The following SLC67A1 variants were observed in gnomAD, a reference collection of about 807,000 sequenced individuals.
SLC67A1 encodes solute carrier family 67 member 1.
the SLC67A1 span, chr11:2,908,434 C>G: frequency 1.3e-6 from 1 of 777,692 alleles, no homozygotes; most frequent in Non-Finnish European, 2.0e-6. Flanking sequence ...ACACCGGACC[C>G]CCCTGGGATG....
At chr11:2,918,088 C>T in the SLC67A1 span, 1 of 1,612,692 alleles carries the variant, frequency 6.2e-7, no homozygotes, top group South Asian at 1.1e-5. Flanking sequence ...CCTCCAACTG[C>T]CCCACAGGTG....
chr11:2,925,018 C>G, the SLC67A1 span: 1 of 1,610,648 alleles, frequency 6.2e-7, no homozygotes. This position sits in a 1 kb window ranked among gnomAD's most constrained non-coding sequence, Gnocchi z 6.5. Context: ...AGGGACCATG[C>G]TGGGCCTCTG....
chr11:2,902,486 C>CA, the SLC67A1 span: 5 of 695,908 alleles, frequency 7.2e-6, no homozygotes, highest in Non-Finnish European at 8.8e-6. Context: ...CCTGCTCCCC[C>CA]CAGCCTCCCT....
chr11:2,914,955 T>G, the SLC67A1 span: 2 of 985,262 alleles, frequency 2.0e-6, no homozygotes, highest in Admixed American at 1.2e-4. Context: ...TCCCCTTCCC[T>G]GGCATTTTCC....
the SLC67A1 span, among the ~76,000 whole-genome samples, chr11:2,917,419 C>T: frequency 6.6e-6 from 1 of 152,158 alleles, no homozygotes; most frequent in East Asian, 1.9e-4. Flanking sequence ...GGGCCTGTGG[C>T]GAGCACAGCA....
chr11:2,918,496 A>G, the SLC67A1 span, among the ~76,000 whole-genome samples: 1 of 152,204 alleles, frequency 6.6e-6, no homozygotes, highest in South Asian at 2.1e-4. Flanking sequence ...CGGACCACAG[A>G]TAGGATAGCG....
the SLC67A1 span, among the ~76,000 whole-genome samples, chr11:2,917,612 T>TGCCCCAG: frequency 2.0e-5 from 3 of 152,364 alleles, no homozygotes; most frequent in Admixed American, 1.3e-4. Flanking sequence ...GGTCATGCTC[T>TGCCCCAG]GCCCCAGGCC....
the SLC67A1 span, chr11:2,902,557 C>T: frequency 1.0e-6 from 1 of 985,332 alleles, no homozygotes; most frequent in Non-Finnish European, 1.2e-6. Context: ...GTCTCCCCGC[C>T]CTACCCCACC....
At chr11:2,917,193 TGAG>T in the SLC67A1 span, among the ~76,000 whole-genome samples, 4 of 152,192 alleles carry the variant, frequency 2.6e-5, no homozygotes, top group African/African-American at 9.6e-5. Flanking sequence ...GCTGGTCCCA[TGAG>T]GAGAGGCCAA....
chr11:2,900,661 T>C, the SLC67A1 span, among the ~76,000 whole-genome samples: 2,888 of 128,454 alleles, frequency 0.022, 96 homozygotes, highest in African/African-American at 0.078. Context: ...CCACTGCACT[T>C]CAGCCTGGGT....
chr11:2,913,660 C>T, the SLC67A1 span, among the ~76,000 whole-genome samples: 95 of 152,346 alleles, frequency 6.2e-4, 1 homozygote, highest in East Asian at 0.017. Flanking sequence ...CATCCAGGGA[C>T]GCTCTGGACA....
the SLC67A1 span, chr11:2,903,290 C>T: frequency 3.5e-5 from 55 of 1,587,232 alleles, no homozygotes; most frequent in Middle Eastern, 1.9e-4. Context: ...TTGCCCCCTG[C>T]TCCGCCAGCC....
At chr11:2,912,286 G>C in the SLC67A1 span, among the ~76,000 whole-genome samples, 1 of 152,230 alleles carries the variant, frequency 6.6e-6, no homozygotes, top group East Asian at 1.9e-4. Context: ...CCCCTCGGGG[G>C]CTCACCGAAG....
At chr11:2,919,316 T>A in the SLC67A1 span, 1 of 1,613,660 alleles carries the variant, frequency 6.2e-7, no homozygotes. Context: ...GGGCTCTTCA[T>A]GGTCATGTTC....
the SLC67A1 span, chr11:2,916,698 A>G: frequency 7.4e-6 from 12 of 1,613,048 alleles, no homozygotes; most frequent in Non-Finnish European, 9.3e-6. Context: ...CATCCCCGCC[A>G]GCACCAAAGG....
At chr11:2,913,547 C>T in the SLC67A1 span, among the ~76,000 whole-genome samples, 33 of 152,276 alleles carry the variant, frequency 2.2e-4, no homozygotes, top group African/African-American at 7.9e-4. Context: ...GGAAGCCAGA[C>T]GGCAGCTGCG....
the SLC67A1 span, among the ~76,000 whole-genome samples, chr11:2,905,353 G>T: frequency 3.3e-5 from 5 of 152,218 alleles, no homozygotes; most frequent in Non-Finnish European, 7.3e-5. Flanking sequence ...TGTCACTCCA[G>T]TGGGAGGCCT....
At chr11:2,902,515 G>C in the SLC67A1 span, 1 of 926,418 alleles carries the variant, frequency 1.1e-6, no homozygotes, top group Non-Finnish European at 1.3e-6. Flanking sequence ...GGATGGGGGA[G>C]GGCGCCAGGC....
chr11:2,918,516 C>T, the SLC67A1 span, among the ~76,000 whole-genome samples: 1 of 152,214 alleles, frequency 6.6e-6, no homozygotes, highest in Non-Finnish European at 1.5e-5. Flanking sequence ...GAGCCACGGA[C>T]AAGCCCACGA....
Sources: gnomAD v4.1 joint callset for allele counts (sites outside exome capture counted in the v4.1 genomes callset) on GRCh38, gnomAD v4.1.1 for gene constraint, Gnocchi (gnomAD v3.1) non-coding constraint, MANE v1.5 for transcripts, NCBI Gene and HGNC (gene_info 2026-07-23, HGNC 2026-07-21) for gene names.